Variants in FBXL13 observed in about 807,000 individuals in gnomAD.
FBXL13 encodes the protein F-box and leucine-rich repeat protein 13.
FBXL13 carries 67 observed loss-of-function variants against 83.6 expected under a neutral mutation model. That is an observed-to-expected ratio of 0.80 (90% confidence interval 0.66 to 0.98). The LOEUF (loss-of-function observed/expected upper bound fraction) is 0.98. Among genes scored for constraint, FBXL13 ranks in the 50% least tolerant of loss-of-function variants. The pLI is 0.00. For synonymous variants in FBXL13, 272 were observed against 299.5 expected (o/e 0.91, Z 0.95); for missense variants, 822 against 866.5 (o/e 0.95, Z 0.64).
At chr7:102,949,591 C>T (rs1183463724) in intron 8 of FBXL13, among the ~76,000 whole-genome samples, 2 of 152,106 alleles carry the variant, frequency 1.3e-5, no homozygotes, top group Admixed American at 1.3e-4. Flanking sequence ...ACAGACATTA[C>T]ATTTGCTTCC....
At chr7:102,876,518 A>C (rs772818038) in intron 16 of FBXL13, among the ~76,000 whole-genome samples, 1 of 152,172 alleles carries the variant, frequency 6.6e-6, no homozygotes, top group Non-Finnish European at 1.5e-5. Flanking sequence ...CAATGAACAG[A>C]TCTAGTCCTT....
intron 6 of FBXL13, among the ~76,000 whole-genome samples, chr7:102,997,238 G>C (rs1446327337): frequency 6.6e-6 from 1 of 152,056 alleles, no homozygotes; most frequent in African/African-American, 2.4e-5. Context: ...TTATAGATCT[G>C]CACCATCTTT....
chr7:102,998,987 G>C (rs914963472), intron 6 of FBXL13, among the ~76,000 whole-genome samples: 14 of 152,024 alleles, frequency 9.2e-5, no homozygotes, highest in African/African-American at 3.4e-4. Flanking sequence ...GGGCATCCTT[G>C]CCTTATTCCT....
intron 16 of FBXL13, among the ~76,000 whole-genome samples, chr7:102,876,345 AC>A (rs1285392391): frequency 1.3e-5 from 2 of 152,128 alleles, no homozygotes; most frequent in African/African-American, 4.8e-5. Flanking sequence ...CATTGAGAAG[AC>A]CAGACACTGA....
intron 18 of FBXL13, among the ~76,000 whole-genome samples, chr7:102,832,463 T>G (rs1459869378): frequency 6.6e-6 from 1 of 152,238 alleles, no homozygotes. Context: ...ATTTAATAAC[T>G]TGTAAAACAC....
chr7:103,063,823 G>A (rs571501005), intron 1 of FBXL13, among the ~76,000 whole-genome samples: 1 of 148,916 alleles, frequency 6.7e-6, no homozygotes, highest in Non-Finnish European at 1.5e-5. Context: ...CCAAAGTGCT[G>A]GAATTACAGT....
chr7:102,878,078 C>T (rs1163031586), intron 15 of FBXL13, among the ~76,000 whole-genome samples: 1 of 152,102 alleles, frequency 6.6e-6, no homozygotes, highest in African/African-American at 2.4e-5. Flanking sequence ...AGGGAAGCCA[C>T]CCATATCTAG....
At chr7:102,967,860 C>T (rs1826158868) in intron 7 of FBXL13, among the ~76,000 whole-genome samples, 162 bp downstream of exon 8, 1 of 152,216 alleles carries the variant, frequency 6.6e-6, no homozygotes, top group Non-Finnish European at 1.5e-5. Flanking sequence ...TCTTTTTTAT[C>T]TCTTCCCCCA....
At chr7:102,827,321 T>C (rs911342847) in intron 18 of FBXL13, among the ~76,000 whole-genome samples, 1 of 152,144 alleles carries the variant, frequency 6.6e-6, no homozygotes, top group African/African-American at 2.4e-5. Context: ...TGCAGCTCCT[T>C]GGGCAACCCT....
At chr7:103,045,455 A>G (rs1563266198) in intron 2 of FBXL13, among the ~76,000 whole-genome samples, 1 of 152,198 alleles carries the variant, frequency 6.6e-6, no homozygotes, top group Non-Finnish European at 1.5e-5. Context: ...TTAATTATCA[A>G]TGTCACTATC....
intron 6 of FBXL13, among the ~76,000 whole-genome samples, chr7:103,003,824 G>A (rs139480481): frequency 1.2e-3 from 186 of 152,184 alleles, no homozygotes; most frequent in African/African-American, 4.1e-3. Context: ...TAATCCACCC[G>A]CCTTGACCTC....
At chr7:103,072,156 C>T (rs1799025091) in intron 1 of FBXL13, among the ~76,000 whole-genome samples, 3 of 151,310 alleles carry the variant, frequency 2.0e-5, no homozygotes, top group Non-Finnish European at 4.4e-5. Flanking sequence ...GCACTCTAGA[C>T]TGGGCGACAG....
At chr7:103,024,133 A>AGAG (rs1793549200) in intron 6 of FBXL13, among the ~76,000 whole-genome samples, 1 of 70,660 alleles carries the variant, frequency 1.4e-5, no homozygotes, top group Non-Finnish European at 3.8e-5. Flanking sequence ...ATAAAAGTTA[A>AGAG]AAAGAGAGAG....
intron 11 of FBXL13, 167 bp downstream of exon 12, chr7:102,912,917 AAT>A: frequency 2.5e-6 from 2 of 814,488 alleles, no homozygotes; most frequent in Non-Finnish European, 3.7e-6. Context: ...AAGAGCCTAT[AAT>A]AGCGATCCTG....
At chr7:102,910,593 T>A (rs530468944) in intron 11 of FBXL13, among the ~76,000 whole-genome samples, 1 of 152,040 alleles carries the variant, frequency 6.6e-6, no homozygotes, top group Non-Finnish European at 1.5e-5. Flanking sequence ...TGAATCCCCA[T>A]GCACTGCTCC....
Position 102,873,838 on chromosome 7 carries a change from T to C in FBXL13, c.1635+3629A>G, listed in dbSNP as rs79086435. ...CATGCCTTTGTGCAGGCTGCTTCTT[T>C]GGCTCACAGAACACCTTTCTTCTCT... On this transcript the variant is annotated intron_variant, in intron 16 of 19. Transcript: ENST00000313221. 3.7e-3 allele frequency among the ~76,000 whole-genome samples: 571 copies of C among 152,322 alleles called. 5 individuals are homozygous for C. Among genetic ancestry groups the C allele is most frequent in the African/African-American group, 0.014 (564 of 41,580 alleles).
At chr7:103,009,550 G>A (rs1258564593) in intron 6 of FBXL13, among the ~76,000 whole-genome samples, 1 of 152,224 alleles carries the variant, frequency 6.6e-6, no homozygotes, top group Non-Finnish European at 1.5e-5. Context: ...TTTAGACTGA[G>A]GCAGAAAGCC....
intron 10 of FBXL13, among the ~76,000 whole-genome samples, chr7:102,913,453 C>A (rs775395092): frequency 6.6e-6 from 1 of 152,044 alleles, no homozygotes; most frequent in Non-Finnish European, 1.5e-5. Context: ...ATTAATAGTT[C>A]AATAATATTT....
At chr7:102,877,107 C>A (rs146665444) in intron 16 of FBXL13, among the ~76,000 whole-genome samples, 5 of 152,104 alleles carry the variant, frequency 3.3e-5, no homozygotes, top group Non-Finnish European at 7.4e-5. Flanking sequence ...TCAAGGCATT[C>A]GGGTAGTCTC....
Sources: allele counts gnomAD v4.1 joint callset (sites outside exome capture counted in the v4.1 genomes callset), GRCh38; gene constraint gnomAD v4.1.1; transcripts MANE v1.5; gene names NCBI Gene and HGNC (gene_info 2026-07-23, HGNC 2026-07-21).